The following PRH1 variants were observed in gnomAD, a reference collection of about 807,000 sequenced individuals.
PRH1 encodes proline rich protein HaeIII subfamily 1.
Under a neutral mutation model 7.9 loss-of-function variants are expected in PRH1, and 7 were observed. That is an observed-to-expected ratio of 0.89 (90% CI 0.50 to 1.67). PRH1 has a LOEUF of 1.67. PRH1 is among the 40% of genes most tolerant of loss of function. PRH1 has a pLI of 0.00. For missense variants in PRH1, 109 were observed against 223.6 expected (o/e 0.49, Z 3.27); for synonymous variants, 45 against 80.8 (o/e 0.56, Z 2.38).
At chr12:11,124,658 TTATG>T (rs1426057370) in intron 1 of PRH1, among the ~76,000 whole-genome samples, 2 of 152,352 alleles carry the variant, frequency 1.3e-5, no homozygotes, top group South Asian at 2.1e-4. Flanking sequence ...GTTGTCCAAA[TTATG>T]TATGTAAATA....
chr12:10,992,599 A>C (rs2135996684), intron 1 of PRH1, among the ~76,000 whole-genome samples: 1 of 152,204 alleles, frequency 6.6e-6, no homozygotes, highest in South Asian at 2.1e-4. Context: ...TTCTTTAACA[A>C]ACAGGGTCTT....
At chr12:11,004,777 A>G (rs1370171013) in intron 1 of PRH1, among the ~76,000 whole-genome samples, 1 of 152,138 alleles carries the variant, frequency 6.6e-6, no homozygotes, top group East Asian at 1.9e-4. Flanking sequence ...ATTACGTCAA[A>G]TGACTTTGAG....
intron 1 of PRH1, among the ~76,000 whole-genome samples, chr12:11,071,383 A>G (rs1429925181): frequency 1.3e-5 from 2 of 152,196 alleles, no homozygotes; most frequent in African/African-American, 4.8e-5. Flanking sequence ...GGAAAATTAT[A>G]AAATAAAAAA....
intron 2 of PRH1, among the ~76,000 whole-genome samples, 170 bp downstream of exon 2, chr12:10,882,891 T>C (rs1949429691): frequency 6.6e-6 from 1 of 152,170 alleles, no homozygotes; most frequent in African/African-American, 2.4e-5. Flanking sequence ...ATTGAATTTC[T>C]TTACTCATGG....
chr12:11,157,096 G>A (rs534350262), intron 1 of PRH1, among the ~76,000 whole-genome samples: 11 of 151,784 alleles, frequency 7.2e-5, no homozygotes, highest in Non-Finnish European at 1.0e-4. Flanking sequence ...TCTGCCTGCC[G>A]CAGCCTCCCA....
At chr12:10,997,782 AATTTATC>A (rs1940366499) in intron 1 of PRH1, 1 of 1,613,684 alleles carries the variant, frequency 6.2e-7, no homozygotes, top group South Asian at 1.1e-5. Context: ...CAGGCAATGA[AATTTATC>A]AGTGCTATAA....
chr12:10,896,815 T>C (rs1270167239), intron 2 of PRH1: 1 of 151,044 alleles, frequency 6.6e-6, no homozygotes, highest in African/African-American at 2.4e-5. Flanking sequence ...ATACGATACA[T>C]ACTTTGGCAC....
At chr12:11,116,962 T>A (rs1360971028), downstream of PRH1, among the ~76,000 whole-genome samples, 2 of 152,036 alleles carry the variant, frequency 1.3e-5, no homozygotes, top group African/African-American at 4.8e-5. Context: ...ACAACTAGTA[T>A]CATACTAAAT....
At chr12:11,105,938 T>TAAGAAGC (rs1592024777) in intron 1 of PRH1, among the ~76,000 whole-genome samples, 1 of 99,556 alleles carries the variant, frequency 1.0e-5, no homozygotes, top group African/African-American at 3.6e-5. Flanking sequence ...AACTTATTCT[T>TAAGAAGC]TTTTTTTTTT....
intron 1 of PRH1, chr12:10,996,664 T>C (rs1280920858): frequency 4.2e-6 from 1 of 237,356 alleles, no homozygotes; most frequent in Non-Finnish European, 7.9e-6. Context: ...AAATTTCTTA[T>C]CCTACTTTGG....
chr12:11,111,392 A>T (rs551447750), intron 1 of PRH1, among the ~76,000 whole-genome samples: 1 of 152,224 alleles, frequency 6.6e-6, no homozygotes, highest in East Asian at 1.9e-4. Flanking sequence ...AACTGACCAC[A>T]TAAGTGGAAG....
chr12:11,072,394 T>G (rs1174296889), intron 1 of PRH1, among the ~76,000 whole-genome samples: 1 of 152,172 alleles, frequency 6.6e-6, no homozygotes, highest in Non-Finnish European at 1.5e-5. Flanking sequence ...GAACATGTAA[T>G]TGAAATGGAC....
In PRH1 at chr12:10,929,456, T is replaced by C. The variant is rs943975191; in HGVS notation, c.-59+44199A>G. The C allele has an allele frequency of 3.2e-6, 4 of 1,262,022 alleles. No individual in the cohort carries two copies. In the East Asian group the frequency reaches 7.2e-5, roughly 23 times the overall value. 78.2% of individuals were successfully genotyped at this position (1,262,022 alleles called of 1,614,324 possible). A position where few individuals can be genotyped will look rare whatever the true frequency, so the allele number is the denominator to read the frequency against. On this transcript the variant is annotated intron_variant, in intron 2 of 3. Coordinates refer to the PRH1 transcript ENST00000539853. ...GAAAACAGATAGGACTGAAGAGTTC[T>C]CATGCCAAGGATCAGAAGACCTGTT...
chr12:10,956,330 A>G (rs1937955749), intron 2 of PRH1, among the ~76,000 whole-genome samples: 2 of 152,198 alleles, frequency 1.3e-5, no homozygotes, highest in South Asian at 2.1e-4. Context: ...CCACATTACT[A>G]TCTCAATAGA....
chr12:10,956,086 G>A (rs1039821704), intron 2 of PRH1, among the ~76,000 whole-genome samples: 1 of 152,052 alleles, frequency 6.6e-6, no homozygotes, highest in Middle Eastern at 3.4e-3. Flanking sequence ...ATTCTACAAG[G>A]CTAATATCAC....
rs564240476 is a variant in PRH1, at chr12:10,897,060, C to T, written c.-58-12785G>A. The T allele has an allele frequency of 6.6e-5, 10 of 152,166 alleles. 1 individual carries two copies. The South Asian group carries it at 2.1e-3, about 32-fold the overall frequency. The allele number at this position is 152,166 out of a possible 1,614,324, so 9.4% of individuals were successfully genotyped here. On this transcript the variant is annotated intron_variant, in intron 2 of 3. Transcript: ENST00000539853. ...CCACATGCAGAGGCCATGTGCAGGC[C>T]CTCTGGCTCATTATCCCACGTGAGC...
intron 1 of PRH1, among the ~76,000 whole-genome samples, chr12:11,073,737 A>T (rs7974461): frequency 3.9e-5 from 6 of 151,978 alleles, no homozygotes; most frequent in Non-Finnish European, 5.9e-5. Context: ...CTGCCCATTG[A>T]GTCAGATGAT....
intron 1 of PRH1, among the ~76,000 whole-genome samples, chr12:11,150,946 T>C (rs545729306): frequency 9.2e-5 from 14 of 152,344 alleles, no homozygotes; most frequent in Non-Finnish European, 2.1e-4. Flanking sequence ...GCCAACTGTG[T>C]TCTTAAAGAT....
At chr12:11,135,011 T>C (rs1234708591) in intron 1 of PRH1, among the ~76,000 whole-genome samples, 1 of 152,180 alleles carries the variant, frequency 6.6e-6, no homozygotes, top group African/African-American at 2.4e-5. Flanking sequence ...CAGGTGAAAT[T>C]AGTCCTATTT....
Sources: gnomAD v4.1 joint callset for allele counts (sites outside exome capture counted in the v4.1 genomes callset) on GRCh38, gnomAD v4.1.1 for gene constraint, MANE v1.5 for transcripts, NCBI Gene and HGNC (gene_info 2026-07-23, HGNC 2026-07-21) for gene names.